Variants in PLEKHM3 observed in about 807,000 individuals in gnomAD.
The protein encoded by PLEKHM3 is pleckstrin homology domain-containing family M member 3.
In PLEKHM3, 45 loss-of-function variants were observed where a neutral mutation model predicts 81.8. The observed-to-expected ratio is 0.55, with a 90% CI of 0.43 to 0.71. The LOEUF is 0.71. Among genes scored for constraint, PLEKHM3 ranks in the 30% least tolerant of loss-of-function variants. The pLI, the probability that PLEKHM3 is intolerant of heterozygous loss-of-function variation, is 0.00. For synonymous variants in PLEKHM3, 352 were observed against 356.4 expected, an observed-to-expected ratio of 0.99 and a Z score of 0.14; for missense variants, 788 against 924.3, an observed-to-expected ratio of 0.85 and a Z score of 1.91.
At chr2:207,967,124 C>T (rs1655501754) in intron 3 of PLEKHM3, among the ~76,000 whole-genome samples, 1 of 152,140 alleles carries the variant, frequency 6.6e-6, no homozygotes, top group Admixed American at 6.5e-5. Context: ...GCTGGGACTA[C>T]TACAGGCATC....
chr2:207,910,830 C>T (rs2105904876), intron 5 of PLEKHM3, among the ~76,000 whole-genome samples: 1 of 152,104 alleles, frequency 6.6e-6, no homozygotes, highest in East Asian at 1.9e-4. Flanking sequence ...AGAGTCTGTT[C>T]TAGGGCAGAC....
chr2:207,887,245 T>C (rs6745049), intron 6 of PLEKHM3, among the ~76,000 whole-genome samples: 2,869 of 152,310 alleles, frequency 0.019, 90 homozygotes, highest in African/African-American at 0.065. Context: ...CTGATGTAAA[T>C]TTAAATAAAT....
At chr2:207,996,746 TTC>T (rs1271421685) in intron 2 of PLEKHM3, among the ~76,000 whole-genome samples, 1 of 152,156 alleles carries the variant, frequency 6.6e-6, no homozygotes, top group Non-Finnish European at 1.5e-5. Flanking sequence ...GGAAGGCCAA[TTC>T]ATTTCAAGAA....
intron 4 of PLEKHM3, among the ~76,000 whole-genome samples, chr2:207,943,332 T>C (rs895700859): frequency 6.6e-6 from 1 of 152,214 alleles, no homozygotes; most frequent in Non-Finnish European, 1.5e-5. Context: ...AAAGCAGTCA[T>C]ACAGCCTGTT....
chr2:207,969,922 T>G (rs1424615191), intron 3 of PLEKHM3, among the ~76,000 whole-genome samples: 2 of 152,216 alleles, frequency 1.3e-5, no homozygotes, highest in African/African-American at 4.8e-5. Context: ...AAAATCTTAG[T>G]GCAAAGGCTA....
chr2:207,858,201 T>G (rs1301478219), intron 7 of PLEKHM3, among the ~76,000 whole-genome samples: 1 of 144,204 alleles, frequency 6.9e-6, no homozygotes, highest in African/African-American at 2.6e-5. Context: ...TGAGATGAAG[T>G]CTCACTCTGT....
At chr2:207,966,775 G>A (rs972607921) in intron 3 of PLEKHM3, among the ~76,000 whole-genome samples, 4 of 151,890 alleles carry the variant, frequency 2.6e-5, no homozygotes, top group Admixed American at 6.6e-5. Context: ...GGCTGGTCTC[G>A]ATCTCCTGAC....
At chr2:207,883,172 G>A (rs752102820) in intron 6 of PLEKHM3, among the ~76,000 whole-genome samples, 1 of 152,212 alleles carries the variant, frequency 6.6e-6, no homozygotes, top group Non-Finnish European at 1.5e-5. Context: ...TGGCTGAAAG[G>A]GGAAGATGAG....
At chr2:207,912,091 G>A (rs1354250882) in intron 5 of PLEKHM3, among the ~76,000 whole-genome samples, 6 of 152,158 alleles carry the variant, frequency 3.9e-5, no homozygotes, top group African/African-American at 1.4e-4. Context: ...GCTACGTGCT[G>A]GAGATAGATA....
At chr2:207,861,467 T>C (rs1425811666) in intron 6 of PLEKHM3, among the ~76,000 whole-genome samples, 1 of 152,240 alleles carries the variant, frequency 6.6e-6, no homozygotes, top group African/African-American at 2.4e-5. Flanking sequence ...TAAATTAAGA[T>C]GCTGAAACTT....
chr2:207,929,932 T>C, intron 5 of PLEKHM3: 1 of 697,954 alleles, frequency 1.4e-6, no homozygotes, highest in Non-Finnish European at 2.6e-6. Flanking sequence ...TGCATGCTGC[T>C]GGTCATTTCT....
chr2:207,878,581 C>A (rs61404851), intron 6 of PLEKHM3, among the ~76,000 whole-genome samples: 38,546 of 152,168 alleles, frequency 0.25, 5,063 homozygotes, highest in Middle Eastern at 0.36. Context: ...GCACTCTAGC[C>A]TGGGCAACAA....
At chr2:207,980,763 G>A (rs1036713515) in intron 2 of PLEKHM3, among the ~76,000 whole-genome samples, 1 of 152,012 alleles carries the variant, frequency 6.6e-6, no homozygotes, top group African/African-American at 2.4e-5. Context: ...TAGAGACAGG[G>A]TTTCACCATA....
intron 4 of PLEKHM3, among the ~76,000 whole-genome samples, chr2:207,943,971 G>C (rs1327169461): frequency 6.6e-6 from 1 of 151,680 alleles, no homozygotes; most frequent in East Asian, 1.9e-4. Flanking sequence ...ATGTCCAATA[G>C]GCAATTAAAG....
chr2:207,900,436 G>C (rs563342748), intron 6 of PLEKHM3: 1 of 152,342 alleles, frequency 6.6e-6, no homozygotes, highest in Non-Finnish European at 1.5e-5. Flanking sequence ...TCACAGACCT[G>C]CCCAAATTCG....
chr2:208,019,359 C>G (rs995919436), intron 1 of PLEKHM3, among the ~76,000 whole-genome samples: 2 of 152,042 alleles, frequency 1.3e-5, no homozygotes, highest in Non-Finnish European at 2.9e-5. Flanking sequence ...ATCCTGTTTC[C>G]TCTGCCTGGA....
At chr2:207,929,094 C>T (rs1468882675) in intron 5 of PLEKHM3, among the ~76,000 whole-genome samples, 5 of 152,216 alleles carry the variant, frequency 3.3e-5, no homozygotes, top group Non-Finnish European at 7.3e-5. Context: ...GAACACCTAC[C>T]TTGTGCCAGG....
chr2:207,971,049 T>C (rs983866845), intron 3 of PLEKHM3, among the ~76,000 whole-genome samples: 6 of 152,214 alleles, frequency 3.9e-5, no homozygotes, highest in African/African-American at 1.4e-4. Flanking sequence ...CAGTTCAGAA[T>C]TGGGAACACT....
At chr2:207,936,013 C>CT (rs1689738595) in intron 4 of PLEKHM3, among the ~76,000 whole-genome samples, 2 of 152,324 alleles carry the variant, frequency 1.3e-5, no homozygotes, top group South Asian at 4.1e-4. Context: ...AGGTTTTGCT[C>CT]TGTTACCCAG....
Sources: allele counts gnomAD v4.1 joint callset (sites outside exome capture counted in the v4.1 genomes callset), GRCh38; gene constraint gnomAD v4.1.1; transcripts MANE v1.5; gene names NCBI Gene and HGNC (gene_info 2026-07-23, HGNC 2026-07-21).